Variants in KAZN observed in about 807,000 individuals in gnomAD.
KAZN encodes kazrin.
KAZN carries 40 observed loss-of-function variants against 87.4 expected under a neutral mutation model. That is an observed-to-expected ratio of 0.46 (90% CI 0.36 to 0.60). KAZN has a LOEUF of 0.60. Among genes scored for constraint, KAZN ranks in the 20% least tolerant of loss-of-function variants. The pLI is 0.00. For missense variants in KAZN, 898 were observed against 1,073.9 expected (o/e 0.84, Z 2.29); for synonymous variants, 466 against 458.3 (o/e 1.02, Z -0.22).
At chr1:14,020,731 T>G (rs1302668721) in intron 1 of KAZN, among the ~76,000 whole-genome samples, 1 of 152,244 alleles carries the variant, frequency 6.6e-6, no homozygotes, top group Admixed American at 6.5e-5. Flanking sequence ...CAGAACAATT[T>G]GAAATCTGAG....
intron 1 of KAZN, among the ~76,000 whole-genome samples, chr1:14,118,002 C>A (rs889300786): frequency 2.0e-5 from 3 of 152,198 alleles, no homozygotes; most frequent in African/African-American, 7.2e-5. Flanking sequence ...ACTGCTCACT[C>A]TTCTGCTGCC....
At chr1:14,572,571 T>A (rs986385332) in intron 2 of KAZN, among the ~76,000 whole-genome samples, 4 of 152,210 alleles carry the variant, frequency 2.6e-5, no homozygotes, top group African/African-American at 9.6e-5. Context: ...AGCCTTCCAG[T>A]ACAGTTTGCC....
intron 1 of KAZN, among the ~76,000 whole-genome samples, chr1:14,845,099 G>T (rs905958141): frequency 6.6e-6 from 1 of 152,064 alleles, no homozygotes; most frequent in Non-Finnish European, 1.5e-5. Flanking sequence ...TGGCTGGATG[G>T]AACAGCTGGA....
chr1:15,065,721 A>G lies in KAZN; in HGVS notation c.1190A>G (p.Gln397Arg). The G allele has an allele frequency of 1.2e-6, 2 of 1,614,256 alleles. No individual in the cohort carries two copies. Among genetic ancestry groups the G allele is most frequent in the South Asian group, 1.1e-5 (1 of 91,090 alleles). ...SISRVFARGK[Q>R]RKSLDPGLFD... is the part of the protein sequence containing the mutation. Reference sequence around the variant, plus strand: ...TCCCGCGTCTTCGCCAGAGGGAAGCAGCGGAAGTCCCTCGACCCCGGCCTC... The same window carrying G: ...TCCCGCGTCTTCGCCAGAGGGAAGCGGCGGAAGTCCCTCGACCCCGGCCTC... The change falls in exon 8 of 15, where the codon CAG becomes CGG. Residue 397 changes from glutamine (Q) to arginine (R), a missense_variant. Transcript: ENST00000376030.
intron 2 of KAZN, among the ~76,000 whole-genome samples, chr1:14,290,421 T>C (rs1354503971): frequency 6.6e-6 from 1 of 152,224 alleles, no homozygotes; most frequent in Non-Finnish European, 1.5e-5. Flanking sequence ...TTTATTTCAT[T>C]AATTTCATCT....
chr1:14,998,008 G>T (rs1489285996), intron 2 of KAZN, among the ~76,000 whole-genome samples: 1 of 152,172 alleles, frequency 6.6e-6, no homozygotes, highest in Non-Finnish European at 1.5e-5. Context: ...TCGTTATTGA[G>T]CCTGGTTTTA....
chr1:14,135,349 T>G (rs554322296), intron 1 of KAZN, among the ~76,000 whole-genome samples: 23 of 152,320 alleles, frequency 1.5e-4, no homozygotes, highest in African/African-American at 5.5e-4. Context: ...GCCGAATAGC[T>G]GGTATCTGGC....
intron 5 of KAZN, among the ~76,000 whole-genome samples, chr1:15,059,624 T>C (rs1406386506): frequency 6.6e-6 from 1 of 151,738 alleles, no homozygotes; most frequent in Non-Finnish European, 1.5e-5. Flanking sequence ...TTTGGGGCAA[T>C]GTTTTGGAGC....
intron 2 of KAZN, among the ~76,000 whole-genome samples, chr1:14,382,455 C>T (rs1411277885): frequency 1.6e-5 from 1 of 62,780 alleles, no homozygotes; most frequent in Non-Finnish European, 3.0e-5. Context: ...TCTCCCAATG[C>T]TATCCCTCCC....
At chr1:14,374,989 A>G (rs916053602) in intron 2 of KAZN, among the ~76,000 whole-genome samples, 1 of 152,172 alleles carries the variant, frequency 6.6e-6, no homozygotes, top group African/African-American at 2.4e-5. Context: ...ACTCTAGAGC[A>G]CCTCAGCCTT....
chr1:14,633,072 G>A (rs1437346148), intron 1 of KAZN, among the ~76,000 whole-genome samples: 3 of 151,946 alleles, frequency 2.0e-5, no homozygotes, highest in East Asian at 1.9e-4. Context: ...ACCTGCCATC[G>A]TGCCTGGCCA....
chr1:14,966,991 A>T (rs566088114), intron 2 of KAZN, among the ~76,000 whole-genome samples: 1 of 152,302 alleles, frequency 6.6e-6, no homozygotes, highest in African/African-American at 2.4e-5. Context: ...TTACTGGCGG[A>T]AAATGGCTTG....
chr1:13,990,892 CTTTT>C (rs1162245165), intron 1 of KAZN, among the ~76,000 whole-genome samples: 2 of 152,142 alleles, frequency 1.3e-5, no homozygotes, highest in Non-Finnish European at 2.9e-5. Flanking sequence ...ATCCTTTCAA[CTTTT>C]TGTTTGAGTA....
chr1:14,532,277 C>A (rs921987987), intron 2 of KAZN, among the ~76,000 whole-genome samples: 1 of 152,046 alleles, frequency 6.6e-6, no homozygotes, highest in Non-Finnish European at 1.5e-5. Flanking sequence ...CACCCTAGTT[C>A]ACCAAAACCC....
intron 2 of KAZN, among the ~76,000 whole-genome samples, chr1:14,230,718 T>C (rs1647738419): frequency 6.6e-6 from 1 of 152,222 alleles, no homozygotes; most frequent in African/African-American, 2.4e-5. Context: ...TCTATGACAC[T>C]GAACTTGTGT....
At chr1:15,073,777 C>G (rs1356017559) in intron 8 of KAZN, among the ~76,000 whole-genome samples, 1 of 152,230 alleles carries the variant, frequency 6.6e-6, no homozygotes. Flanking sequence ...CTGTGTCTGA[C>G]TGAGACTTCT....
chr1:15,047,324 CCCT>C lies in KAZN; in HGVS notation c.726+3166_726+3168del, dbSNP rs879499818. Among the ~76,000 whole-genome samples, 1,431 of 152,308 alleles carry C rather than the reference CCCT, an allele frequency of 9.4e-3. 12 individuals are homozygous for C. The highest frequency in any genetic ancestry group is 0.015 in the Non-Finnish European group (1,027 of 68,016). On this transcript the variant is annotated intron_variant, in intron 4 of 14. Transcript: ENST00000376030. ...CCCAGCTCCCCCACTGCACAGCTGA[CCCT>C]TCCTCGGGGGGTGCCTTAAGTCCTG...
intron 1 of KAZN, among the ~76,000 whole-genome samples, chr1:14,124,680 TC>T (rs142509796): frequency 0.028 from 4,116 of 148,502 alleles, 209 homozygotes; most frequent in African/African-American, 0.099. Flanking sequence ...GTTCCTGAAG[TC>T]CCATCAGTCC....
intron 2 of KAZN, among the ~76,000 whole-genome samples, chr1:14,336,422 T>C (rs987658496): frequency 6.6e-6 from 1 of 152,242 alleles, no homozygotes; most frequent in Admixed American, 6.5e-5. Flanking sequence ...GGATGATGTA[T>C]GAGCATCTCT....
Sources: gnomAD v4.1 joint callset for allele counts (sites outside exome capture counted in the v4.1 genomes callset) on GRCh38, gnomAD v4.1.1 for gene constraint, MANE v1.5 for transcripts, NCBI Gene and HGNC (gene_info 2026-07-23, HGNC 2026-07-21) for gene names.